The following SYNE1 variants were observed in gnomAD, a reference collection of about 807,000 sequenced individuals.
SYNE1 encodes spectrin repeat containing nuclear envelope protein 1, also known as nesprin-1.
In SYNE1, 616 loss-of-function variants were observed where a neutral mutation model predicts 1,111.0. The ratio of observed to expected loss-of-function variants is 0.55; its 90% CI spans 0.52 to 0.59. SYNE1 has a LOEUF of 0.59. SYNE1 is among the 20% of genes least tolerant of loss of function. The pLI, the probability that SYNE1 is intolerant of heterozygous loss-of-function variation, is 0.00. For missense variants in SYNE1, 10,006 were observed against 10,417.0 expected (o/e 0.96, Z 1.72); for synonymous variants, 3,855 against 3,825.8 (o/e 1.01, Z -0.28).
chr6:152,334,291 C>T lies in SYNE1; in HGVS notation c.12529-18G>A. The T allele has an allele frequency of 6.2e-7, 1 of 1,611,694 alleles. No individual in the cohort carries two copies. The highest frequency in any genetic ancestry group is 8.5e-7 in the Non-Finnish European group (1 of 1,179,830). ...ACAAAATCCTAAAGGATAACAGCAACAAAAAATATGTAATGTGTTAAGAAA... is the reference window on the plus strand; with the variant it reads ...ACAAAATCCTAAAGGATAACAGCAATAAAAAATATGTAATGTGTTAAGAAA... On this transcript the variant is annotated intron_variant, in intron 76 of 145. Coordinates refer to ENST00000367255, the MANE Select transcript of SYNE1 (RefSeq NM_182961.4).
intron 8 of SYNE1, among the ~76,000 whole-genome samples, chr6:152,506,205 A>T (rs1362756450): frequency 1.3e-5 from 2 of 152,182 alleles, no homozygotes; most frequent in Non-Finnish European, 2.9e-5. Flanking sequence ...GCTCACAATG[A>T]ATGATTTTTT....
intron 11 of SYNE1, among the ~76,000 whole-genome samples, chr6:152,491,040 A>G (rs1454504844): frequency 6.6e-6 from 1 of 152,224 alleles, no homozygotes; most frequent in East Asian, 1.9e-4. Context: ...ACTTGGGAAG[A>G]CAGTCTTCCC....
chr6:152,184,512 C>A (rs2069130403), intron 128 of SYNE1, among the ~76,000 whole-genome samples: 1 of 151,426 alleles, frequency 6.6e-6, no homozygotes, highest in Admixed American at 6.6e-5. Flanking sequence ...CATTACTATG[C>A]TGTTGCTACT....
chr6:152,167,796 C>T (rs758856023), intron 130 of SYNE1: 16 of 582,544 alleles, frequency 2.7e-5, no homozygotes, highest in African/African-American at 5.6e-5. Context: ...TTTTCTGGAT[C>T]GCTTTCCTGT....
chr6:152,448,976 C>T (rs2098622371), intron 28 of SYNE1, among the ~76,000 whole-genome samples: 1 of 152,180 alleles, frequency 6.6e-6, no homozygotes, highest in Admixed American at 6.5e-5. Context: ...AGACTTTTTA[C>T]AACATTATGT....
chr6:152,633,167 G>A (rs560936199), intron 2 of SYNE1, among the ~76,000 whole-genome samples: 1 of 152,332 alleles, frequency 6.6e-6, no homozygotes, highest in Non-Finnish European at 1.5e-5. Flanking sequence ...GAGCACGAAG[G>A]AGAGGGAATG....
At chr6:152,317,038 A>G (rs1294010029) in intron 86 of SYNE1, 52 bp from the exon 87 acceptor site, 1 of 1,606,252 alleles carries the variant, frequency 6.2e-7, no homozygotes, top group Admixed American at 1.7e-5. Flanking sequence ...CAGTTTCTTG[A>G]GCTATAAATC....
At chr6:152,127,525 G>A (rs927005726) in intron 145 of SYNE1, 1 of 152,038 alleles carries the variant, frequency 6.6e-6, no homozygotes, top group Non-Finnish European at 1.5e-5. Context: ...CTTTTCTCTC[G>A]GGAAAACATA....
chr6:152,370,220 C>G (rs755158897), intron 59 of SYNE1, among the ~76,000 whole-genome samples: 1 of 152,100 alleles, frequency 6.6e-6, no homozygotes, highest in African/African-American at 2.4e-5. Context: ...TGCCTATATA[C>G]TTCATCATAG....
chr6:152,437,128 C>T (rs1031604450), intron 32 of SYNE1, among the ~76,000 whole-genome samples: 3 of 151,872 alleles, frequency 2.0e-5, no homozygotes, highest in African/African-American at 7.3e-5. Context: ...CATTCCAGCC[C>T]AGGCAACAGA....
intron 18 of SYNE1, 46 bp from the exon 19 acceptor site, chr6:152,463,563 T>A: frequency 1.3e-6 from 2 of 1,494,174 alleles, no homozygotes; most frequent in Non-Finnish European, 1.9e-6. Flanking sequence ...AAACCAAATA[T>A]CAGTGACTGA....
At chr6:152,201,787 C>CA in intron 127 of SYNE1, 37 bp downstream of exon 127, 1 of 1,613,788 alleles carries the variant, frequency 6.2e-7, no homozygotes, top group Non-Finnish European at 8.5e-7. Context: ...AGCAGAGGCA[C>CA]ACAGGTGACG....
At position 152,155,074 on chromosome 6, in the gene SYNE1, T is replaced by G. The variant is rs770449865; in HGVS notation, c.23979-32A>C. 2.5e-6 allele frequency: 4 copies of G among 1,613,670 alleles called. No individual in the cohort carries two copies. The East Asian group carries it at 8.9e-5, about 36-fold the overall frequency. On this transcript the variant is annotated intron_variant, in intron 132 of 145. Transcript: ENST00000367255. ...CGGAAAATGAAAGAACAGATTCAGA[T>G]TATTGGAGACTGTTTTCGCTCCAGA...
chr6:152,377,325 A>C (rs150499190), intron 56 of SYNE1, among the ~76,000 whole-genome samples: 1,761 of 152,058 alleles, frequency 0.012, 23 homozygotes, highest in Middle Eastern at 0.02. Flanking sequence ...TATATATATT[A>C]AGGGCCGGGT....
intron 59 of SYNE1, among the ~76,000 whole-genome samples, chr6:152,371,196 C>T (rs1288468172): frequency 2.6e-5 from 4 of 151,972 alleles, no homozygotes; most frequent in Non-Finnish European, 4.4e-5. Flanking sequence ...AATTGTAGTT[C>T]CCATAATCCC....
In SYNE1 at chr6:152,399,670, A is replaced by C; in HGVS notation, c.7183T>G (p.Leu2395Val). The C allele has an allele frequency of 6.2e-7, 1 of 1,614,142 alleles. No individual in the cohort carries two copies. Among genetic ancestry groups the C allele is most frequent in the Non-Finnish European group, 8.5e-7 (1 of 1,180,012 alleles). Residue 2395 changes from leucine to valine, a missense_variant, in exon 48 of 146, where the codon TTG (leucine) becomes GTG (valine). Leu to Val is a conservative substitution (Grantham distance 32, BLOSUM62 1). This residue lies in a region of SYNE1 where 4,955 missense variants were observed against 5,017.2 expected (regional missense o/e 0.99). Transcript: ENST00000367255. ...AGGCTGGCCTGGGTTTTGGAGCACA[A>C]CTGGCTCACGGCTTCATGTTTCTTT... is the stretch of plus-strand genomic sequence containing the variant. The part of the protein sequence containing the change: ...LIKKHEAVSQ[L>V]CSKTQASLQE...
At chr6:152,374,775 A>AAAT in intron 58 of SYNE1, among the ~76,000 whole-genome samples, 1 of 149,564 alleles carries the variant, frequency 6.7e-6, no homozygotes, top group East Asian at 2.0e-4. Flanking sequence ...ACTTTTCTCA[A>AAAT]AAATAAATAA....
chr6:152,162,340 A>AT (rs2062688390), intron 131 of SYNE1, among the ~76,000 whole-genome samples: 1 of 151,916 alleles, frequency 6.6e-6, no homozygotes, highest in South Asian at 2.1e-4. Flanking sequence ...CATCTCTACC[A>AT]TTTTCTCTCC....
rs2097210073 is a variant in SYNE1, at chr6:152,372,710, T to TA, written c.9507+326dup. Among the ~76,000 whole-genome samples, 4 of 152,360 alleles carry TA rather than the reference T, an allele frequency of 2.6e-5. No homozygotes were observed. In the East Asian group the frequency reaches 5.8e-4, roughly 22 times the overall value. The stretch of plus-strand genomic sequence containing the variant: ...ATGTAGATATTCCTGATCATTCTCC[T>TA]AGACCACCTTCCAGAAATGAGACAG... On this transcript the variant is annotated intron_variant, in intron 59 of 145. Transcript: ENST00000367255.
Sources: gnomAD v4.1 joint callset for allele counts (sites outside exome capture counted in the v4.1 genomes callset) on GRCh38, gnomAD v4.1.1 for gene constraint, gnomAD v4.1.1 regional missense constraint, MANE v1.5 for transcripts, NCBI Gene and HGNC (gene_info 2026-07-23, HGNC 2026-07-21) for gene names.